Variants in C12orf42 observed in about 807,000 individuals in gnomAD.
The protein encoded by C12orf42 is uncharacterized protein C12orf42.
A neutral mutation model predicts 21.6 loss-of-function variants in C12orf42; 25 were observed. The observed-to-expected ratio is 1.16, with a 90% CI of 0.84 to 1.62. C12orf42 has a LOEUF of 1.62. Ranked by LOEUF, C12orf42 falls within the 40% of genes most tolerant of loss-of-function variation. The probability of loss-of-function intolerance (pLI) is 0.00; values close to 1 mark genes in which losing one functional copy is unlikely to be tolerated. For synonymous variants in C12orf42, 174 were observed against 175.0 expected (o/e 0.99, Z 0.05); for missense variants, 483 against 459.3 (o/e 1.05, Z -0.47).
chr12:103,386,093 A>G (rs971965978), intron 3 of C12orf42, among the ~76,000 whole-genome samples: 13 of 152,224 alleles, frequency 8.5e-5, no homozygotes. Context: ...TGGTGTTATT[A>G]TTACCACATA....
the C12orf42 span, among the ~76,000 whole-genome samples, chr12:103,223,099 TCTC>T: frequency 1.3e-5 from 2 of 152,140 alleles, no homozygotes; most frequent in East Asian, 1.9e-4. Context: ...CAACATATGT[TCTC>T]CTCACTTCAA....
chr12:103,289,718 GA>G (rs758392420), intron 4 of C12orf42, among the ~76,000 whole-genome samples: 65 of 152,150 alleles, frequency 4.3e-4, no homozygotes, highest in Middle Eastern at 3.4e-3. Context: ...GTGATGGGGG[GA>G]AAAAACAGCT....
chr12:103,476,678 C>G (rs1441709932), intron 2 of C12orf42, among the ~76,000 whole-genome samples: 1 of 152,134 alleles, frequency 6.6e-6, no homozygotes, highest in Admixed American at 6.6e-5. Flanking sequence ...TACTTTATGA[C>G]CTCATGGAGT....
intron 4 of C12orf42, among the ~76,000 whole-genome samples, chr12:103,342,924 C>A (rs1039286235): frequency 6.6e-6 from 1 of 152,144 alleles, no homozygotes; most frequent in African/African-American, 2.4e-5. Flanking sequence ...ACCTCCTCAC[C>A]CTGTGTACAG....
the C12orf42 span, among the ~76,000 whole-genome samples, chr12:103,518,649 A>G: frequency 6.6e-6 from 1 of 152,146 alleles, no homozygotes; most frequent in East Asian, 1.9e-4. Flanking sequence ...AAAGTTAGAA[A>G]CTTTCACACT....
chr12:103,176,742 C>T, the C12orf42 span, among the ~76,000 whole-genome samples: 2 of 152,288 alleles, frequency 1.3e-5, no homozygotes, highest in East Asian at 1.9e-4. Flanking sequence ...CATCTTCATG[C>T]TGTACTACCT....
intron 10 of C12orf42, among the ~76,000 whole-genome samples, chr12:103,256,139 C>CGTATATAT (rs1488132178): frequency 1.0e-5 from 1 of 99,388 alleles, no homozygotes; most frequent in African/African-American, 3.8e-5. Flanking sequence ...CACACACACA[C>CGTATATAT]ACACACGTAT....
rs73387716 is a variant in C12orf42, at chr12:103,351,874, A to C, written c.259+17013T>G. Among the ~76,000 whole-genome samples, 645 of 152,202 alleles carry C rather than the reference A, an allele frequency of 4.2e-3. 7 individuals carry two copies. The highest frequency in any genetic ancestry group is 0.015 in the African/African-American group (626 of 41,548). On this transcript the variant is annotated intron_variant, in intron 4 of 5. Transcript: ENST00000548883. ...AAGGTTTAGATTCACAAGACACAAC[A>C]AATTCCTTAAAAGCCTCTTTTCTTA...
the C12orf42 span, among the ~76,000 whole-genome samples, chr12:103,511,942 C>T: frequency 8.5e-5 from 13 of 152,322 alleles, no homozygotes; most frequent in African/African-American, 3.1e-4. Flanking sequence ...GAGAGCTACA[C>T]TTTAATTGAC....
chr12:103,359,387 A>C (rs545733780), intron 4 of C12orf42, among the ~76,000 whole-genome samples: 1 of 152,198 alleles, frequency 6.6e-6, no homozygotes, highest in African/African-American at 2.4e-5. Context: ...GAACTCTCCA[A>C]AAAGTTTTAC....
chr12:103,420,093 GA>G, intron 2 of C12orf42, among the ~76,000 whole-genome samples: 1 of 152,200 alleles, frequency 6.6e-6, no homozygotes, highest in Non-Finnish European at 1.5e-5. Context: ...TTACAGAGGG[GA>G]AAAGTTGTAT....
the C12orf42 span, among the ~76,000 whole-genome samples, chr12:103,171,909 A>G: frequency 2.0e-5 from 3 of 152,238 alleles, no homozygotes; most frequent in Admixed American, 6.5e-5. Context: ...GAAAGACTAA[A>G]GTGGTGGGGA....
chr12:103,256,052 C>CAAAAAAA (rs1161719991), intron 10 of C12orf42, among the ~76,000 whole-genome samples: 1 of 17,536 alleles, frequency 5.7e-5, no homozygotes, highest in Non-Finnish European at 8.6e-5. Flanking sequence ...GACTCTGTCT[C>CAAAAAAA]AAAAAAAAAA....
chr12:103,209,629 C>T, the C12orf42 span, among the ~76,000 whole-genome samples: 1 of 152,164 alleles, frequency 6.6e-6, no homozygotes, highest in Non-Finnish European at 1.5e-5. Context: ...GAATTAGGAC[C>T]GTTTTCAAAG....
At chr12:103,435,450 T>A (rs1329870428) in intron 2 of C12orf42, among the ~76,000 whole-genome samples, 1 of 152,186 alleles carries the variant, frequency 6.6e-6, no homozygotes, top group Non-Finnish European at 1.5e-5. Context: ...ATCAAATTAC[T>A]CTGAGCTATG....
chr12:103,503,188 CTG>C, the C12orf42 span, among the ~76,000 whole-genome samples: 2 of 152,214 alleles, frequency 1.3e-5, no homozygotes, highest in Admixed American at 6.5e-5. Flanking sequence ...AGCCAGGAAA[CTG>C]TGGGTGCTTA....
the C12orf42 span, among the ~76,000 whole-genome samples, chr12:103,104,232 G>T: frequency 6.6e-6 from 1 of 152,052 alleles, no homozygotes; most frequent in Non-Finnish European, 1.5e-5. Context: ...CCCATTCCTG[G>T]ATAAAACGCA....
At chr12:103,338,502 G>A (rs1293201155) in intron 4 of C12orf42, among the ~76,000 whole-genome samples, 4 of 152,214 alleles carry the variant, frequency 2.6e-5, no homozygotes, top group African/African-American at 4.8e-5. Context: ...GCGCTTCTAA[G>A]AAGGCCTGAA....
chr12:103,076,964 C>G, the C12orf42 span, among the ~76,000 whole-genome samples: 1 of 152,106 alleles, frequency 6.6e-6, no homozygotes, highest in East Asian at 1.9e-4. Context: ...GAAGCCTATG[C>G]TATATTGATG....
Sources: allele counts gnomAD v4.1 joint callset (sites outside exome capture counted in the v4.1 genomes callset), GRCh38; gene constraint gnomAD v4.1.1; transcripts MANE v1.5; gene names NCBI Gene and HGNC (gene_info 2026-07-23, HGNC 2026-07-21).